Variants in PIK3C2A observed in about 807,000 individuals in gnomAD.
PIK3C2A encodes the protein phosphatidylinositol 4-phosphate 3-kinase C2 domain-containing subunit alpha.
In PIK3C2A, 97 loss-of-function variants were observed where a neutral mutation model predicts 204.5. The ratio of observed to expected loss-of-function variants is 0.47; its 90% CI spans 0.40 to 0.56. The LOEUF (loss-of-function observed/expected upper bound fraction) is 0.56. PIK3C2A is among the 20% of genes least tolerant of loss of function. PIK3C2A has a pLI of 0.00. For synonymous variants in PIK3C2A, 653 were observed against 664.4 expected (o/e 0.98, Z 0.26); for missense variants, 1,735 against 1,969.2 (o/e 0.88, Z 2.25).
At chr11:17,135,312 G>A (rs1025014542) in intron 9 of PIK3C2A, among the ~76,000 whole-genome samples, 153 bp from the exon 10 acceptor site, 1 of 151,732 alleles carries the variant, frequency 6.6e-6, no homozygotes, top group African/African-American at 2.4e-5. Flanking sequence ...AAAAAGAAAG[G>A]GAAAACCACA....
chr11:17,145,853 G>C lies in PIK3C2A; in HGVS notation c.1640+10C>G. On this transcript the variant is annotated intron_variant, in intron 7 of 32. Coordinates refer to ENST00000691414, the MANE Select transcript of PIK3C2A (RefSeq NM_002645.4). ...CTGAAAACCTGCAATTAATGCTTTA[G>C]ATGATATACCTCGTCATGGCTTCTT... 1 of 1,609,444 alleles carries C rather than the reference G, an allele frequency of 6.2e-7. No individual in the cohort carries two copies. The highest frequency in any genetic ancestry group is 8.5e-7 in the Non-Finnish European group (1 of 1,176,142).
intron 20 of PIK3C2A, among the ~76,000 whole-genome samples, chr11:17,113,781 C>CCAAA (rs1555018790): frequency 1.3e-5 from 1 of 76,950 alleles, no homozygotes; most frequent in Non-Finnish European, 2.4e-5. Flanking sequence ...GACTCCATCT[C>CCAAA]AAAAAAAAAA....
intron 19 of PIK3C2A, chr11:17,115,739 GTA>G (rs1849163548): frequency 1.3e-5 from 2 of 152,206 alleles, no homozygotes; most frequent in Admixed American, 1.3e-4. Flanking sequence ...TCCAATTTTA[GTA>G]TATGTGTTAC....
chr11:17,168,791 A>G lies in PIK3C2A; in HGVS notation c.951T>C (p.Cys317=). Residue 317 remains cysteine, a synonymous_variant, in exon 2 of 33, where the codon TGT becomes TGC. Coordinates refer to ENST00000691414, the MANE Select transcript of PIK3C2A (RefSeq NM_002645.4). ...VLLEERSTAN[C]HLERKVNGKS... ...TTCCATTCACCTTTCTTTCAAGATG[A>G]CAATTTGCTGTCGATCTCTCTTCAA... 1 of 1,614,042 alleles carries G rather than the reference A, an allele frequency of 6.2e-7. No individual in the cohort carries two copies. The highest frequency in any genetic ancestry group is 8.5e-7 in the Non-Finnish European group (1 of 1,179,960).
intron 4 of PIK3C2A, 145 bp from the exon 5 acceptor site, chr11:17,148,932 G>C (rs1850341481): frequency 1.9e-6 from 1 of 534,828 alleles, no homozygotes; most frequent in Non-Finnish European, 3.0e-6. Flanking sequence ...AAATTTTCTA[G>C]TTGCCACATT....
intron 8 of PIK3C2A, among the ~76,000 whole-genome samples, chr11:17,140,064 C>A (rs1318259435): frequency 1.3e-5 from 2 of 152,146 alleles, no homozygotes; most frequent in Non-Finnish European, 2.9e-5. Flanking sequence ...TTCATTTTAG[C>A]AAATTGAATT....
intron 1 of PIK3C2A, among the ~76,000 whole-genome samples, chr11:17,181,124 G>A (rs759640495): frequency 2.0e-5 from 3 of 152,044 alleles, no homozygotes; most frequent in Admixed American, 1.3e-4. Context: ...ACTATCTCCC[G>A]GCACCTCTAT....
At chr11:17,097,022 G>A (rs1848473902) in intron 27 of PIK3C2A, 35 bp downstream of exon 27, 2 of 1,209,116 alleles carry the variant, frequency 1.7e-6, no homozygotes, top group Non-Finnish European at 1.2e-6. Flanking sequence ...AATAATACAT[G>A]CATGATTGTT....
chr11:17,132,606 G>T (rs1029089445), intron 11 of PIK3C2A, among the ~76,000 whole-genome samples: 9 of 152,070 alleles, frequency 5.9e-5, no homozygotes, highest in Non-Finnish European at 8.8e-5. Context: ...TGGGATTACA[G>T]GCGTGAGCCA....
At chr11:17,110,357 A>T in intron 22 of PIK3C2A, 75 bp downstream of exon 22, 1 of 1,040,808 alleles carries the variant, frequency 9.6e-7, no homozygotes, top group Non-Finnish European at 1.4e-6. Context: ...CTGCATCAGG[A>T]TGTTTACGGC....
rs578131100 is a variant in PIK3C2A at position 17,110,358 on chromosome 11, T to A, written c.3544+74A>T. 4.2e-5 allele frequency: 45 copies of A among 1,060,296 alleles called. No individual in the cohort carries two copies. In the Admixed American group the frequency reaches 7.7e-4, roughly 18 times the overall value. 65.7% of individuals were successfully genotyped at this position (1,060,296 alleles called of 1,614,324 possible). A position where few individuals can be genotyped will look rare whatever the true frequency, so the allele number is the denominator to read the frequency against. ...TGATACCAGGGTATCTGCATCAGGATGTTTACGGCAGGTACACTTTAAGCT... is the reference window on the plus strand; with the variant it reads ...TGATACCAGGGTATCTGCATCAGGAAGTTTACGGCAGGTACACTTTAAGCT... On this transcript the variant is annotated intron_variant, in intron 22 of 32. Transcript: ENST00000691414.
At chr11:17,135,089 A>C in intron 10 of PIK3C2A, 22 bp downstream of exon 10, 1 of 1,613,698 alleles carries the variant, frequency 6.2e-7, no homozygotes, top group Non-Finnish European at 8.5e-7. Flanking sequence ...TATTGCTAAA[A>C]TTTAAAGATT....
At chr11:17,197,376 A>G (rs1189874955) in intron 1 of PIK3C2A, among the ~76,000 whole-genome samples, 1 of 152,086 alleles carries the variant, frequency 6.6e-6, no homozygotes, top group Non-Finnish European at 1.5e-5. Context: ...CCACTGCACA[A>G]CTACTATAAG....
At position 17,147,600 on chromosome 11, in the gene PIK3C2A, T is replaced by A. The variant is rs777538779; in HGVS notation, c.1477A>T (p.Ile493Phe). The stretch of plus-strand genomic sequence containing the variant: ...GTGTCCCATTTTCGACAGTTTTGAA[T>A]ATGCTCATGACTTCCAAGGCAATGA... ...NNHCLGSHEH[I>F]QNCRKWDTEI... The change falls in exon 6 of 33, where the codon ATT becomes TTT. Residue 493 changes from isoleucine (I) to phenylalanine (F), a missense_variant. Ile to Phe is a conservative substitution (Grantham distance 21). Transcript: ENST00000691414. 2 of 1,600,362 alleles carry A rather than the reference T, an allele frequency of 1.2e-6. No individual in the cohort carries two copies. The highest frequency in any genetic ancestry group is 1.3e-5 in the African/African-American group (1 of 74,796).
rs1848324813 is a variant in PIK3C2A at position 17,091,993 on chromosome 11, C to A, written c.4642+3G>T. On this transcript the variant is annotated splice_donor_region_variant and intron_variant, in intron 30 of 32. Transcript: ENST00000691414. ...CCAATAAAGAGAAAAAAAATAATCT[C>A]ACCTGCAGACCTAGCTATCCCTTCA... The A allele has an allele frequency of 5.7e-6, 9 of 1,589,798 alleles. No homozygotes were observed. The highest frequency in any genetic ancestry group is 6.9e-6 in the Non-Finnish European group (8 of 1,158,394).
At chr11:17,196,251 C>T (rs1463447111) in intron 1 of PIK3C2A, among the ~76,000 whole-genome samples, 2 of 152,082 alleles carry the variant, frequency 1.3e-5, no homozygotes, top group African/African-American at 4.8e-5. Flanking sequence ...ATGGGGGATA[C>T]TATACTGAAT....
intron 3 of PIK3C2A, among the ~76,000 whole-genome samples, chr11:17,154,163 G>C (rs1292075539): frequency 1.3e-5 from 2 of 152,028 alleles, no homozygotes; most frequent in Non-Finnish European, 2.9e-5. Flanking sequence ...AGATTCAAAT[G>C]GGAGAAAAAA....
chr11:17,115,362 G>A (rs558183808), intron 19 of PIK3C2A, among the ~76,000 whole-genome samples: 4 of 115,636 alleles, frequency 3.5e-5, no homozygotes, highest in African/African-American at 1.4e-4. Context: ...GCAAAACCCT[G>A]TCCCTACAAG....
intron 1 of PIK3C2A, among the ~76,000 whole-genome samples, chr11:17,204,092 G>A (rs77426240): frequency 2.0e-5 from 3 of 150,048 alleles, no homozygotes; most frequent in African/African-American, 4.9e-5. Flanking sequence ...AAAAAAAAAA[G>A]AGAGATCCTC....
Sources: gnomAD v4.1 joint callset for allele counts (sites outside exome capture counted in the v4.1 genomes callset) on GRCh38, gnomAD v4.1.1 for gene constraint, MANE v1.5 for transcripts, NCBI Gene and HGNC (gene_info 2026-07-23, HGNC 2026-07-21) for gene names.